The following KLRD1 variants were observed in gnomAD, a reference collection of about 807,000 sequenced individuals.
The protein encoded by KLRD1 is natural killer cells antigen CD94.
KLRD1 carries 21 observed loss-of-function variants against 22.6 expected under a neutral mutation model. That is an observed-to-expected ratio of 0.93 (90% CI 0.66 to 1.34). The LOEUF (loss-of-function observed/expected upper bound fraction) is 1.34, where lower values mean the gene tolerates loss of function less well. KLRD1 is among the 40% of genes most tolerant of loss of function. The probability of loss-of-function intolerance (pLI) is 0.00; values close to 1 mark genes in which losing one functional copy is unlikely to be tolerated. For synonymous variants in KLRD1, 59 were observed against 71.1 expected (o/e 0.83, Z 0.85); for missense variants, 183 against 208.6 (o/e 0.88, Z 0.76).
chr12:10,281,500 A>C (rs1467431398), intron 1 of KLRD1, among the ~76,000 whole-genome samples: 1 of 152,182 alleles, frequency 6.6e-6, no homozygotes, highest in Non-Finnish European at 1.5e-5. Flanking sequence ...GTGAGGAAGA[A>C]TCAAAACCAC....
At chr12:10,294,609 A>G (rs1949806281) in intron 1 of KLRD1, among the ~76,000 whole-genome samples, 1 of 99,258 alleles carries the variant, frequency 1.0e-5, no homozygotes. Context: ...CACATTGGCC[A>G]GGCTAGTCTC....
chr12:10,290,066 C>T (rs984955595), intron 1 of KLRD1, among the ~76,000 whole-genome samples: 1 of 152,106 alleles, frequency 6.6e-6, no homozygotes, highest in South Asian at 2.1e-4. Context: ...CGTGAGCCAC[C>T]CCATCCAGCT....
At chr12:10,281,039 C>T (rs755304004) in intron 1 of KLRD1, among the ~76,000 whole-genome samples, 3 of 151,930 alleles carry the variant, frequency 2.0e-5, no homozygotes, top group South Asian at 2.1e-4. Context: ...CCTTATAGGG[C>T]GAGAGATACT....
intron 1 of KLRD1, among the ~76,000 whole-genome samples, chr12:10,283,508 C>T (rs1949666941): frequency 6.6e-6 from 1 of 152,072 alleles, no homozygotes; most frequent in Non-Finnish European, 1.5e-5. Flanking sequence ...TAGAGTAGAT[C>T]TCATGGTGTA....
rs1423609132 is a variant in KLRD1 at position 10,316,756 on chromosome 12, A to C, written c.*1963A>C. On this transcript the variant is annotated 3_prime_UTR_variant, in exon 6 of 6. Transcript: ENST00000336164. The stretch of plus-strand genomic sequence containing the variant: ...GGTTCCTTGATTCCCATATGCTAGG[A>C]CAAGTAATTATTATTTTATTTTATT... 5 of 152,164 alleles carry C rather than the reference A, an allele frequency of 3.3e-5. No homozygotes were observed. Among genetic ancestry groups the C allele is most frequent in the Admixed American group, 6.6e-5 (1 of 15,262 alleles). 9.4% of individuals were successfully genotyped at this position (152,164 alleles called of 1,614,324 possible).
chr12:10,318,115 A>G lies in KLRD1; in HGVS notation c.*3322A>G, dbSNP rs139462999. ...AGCCATATCAGTTAGTGACATCTGTATTCTCATATTGCATGCATAAGAAAG... is the reference window on the plus strand; with the variant it reads ...AGCCATATCAGTTAGTGACATCTGTGTTCTCATATTGCATGCATAAGAAAG... On this transcript the variant is annotated 3_prime_UTR_variant, in exon 6 of 6. Coordinates refer to ENST00000336164, the MANE Select transcript of KLRD1 (RefSeq NM_002262.5). 7.3e-4 allele frequency: 111 copies of G among 152,330 alleles called. No homozygotes were observed. Among genetic ancestry groups the G allele is most frequent in the African/African-American group, 2.6e-3 (108 of 41,566 alleles). 9.4% of individuals were successfully genotyped at this position (152,330 alleles called of 1,614,324 possible). A position where few individuals can be genotyped will look rare whatever the true frequency, so the allele number is the denominator to read the frequency against.
At chr12:10,306,722 C>G (rs1013572492), upstream of KLRD1, among the ~76,000 whole-genome samples, 1 of 152,114 alleles carries the variant, frequency 6.6e-6, no homozygotes, top group Admixed American at 6.5e-5. Context: ...GTAGATTTTA[C>G]GCTTATATTC....
rs2537769 is a variant in KLRD1, at chr12:10,323,698, A to G, written c.*8905A>G. 0.89 allele frequency: 135,728 copies of G among 151,926 alleles called. 62,689 individuals carry two copies. The highest frequency in any genetic ancestry group is 1 in the East Asian group (5,178 of 5,178). 9.4% of individuals were successfully genotyped at this position (151,926 alleles called of 1,614,324 possible). On this transcript the variant is annotated 3_prime_UTR_variant, in exon 6 of 6. Transcript: ENST00000336164. ...CTCTTGCTCCTCCCCTCACAGATGA[A>G]TATTCTGTTACTATAGATTTGCCTT...
At chr12:10,286,408 A>T (rs988947434) in intron 1 of KLRD1, among the ~76,000 whole-genome samples, 2 of 152,216 alleles carry the variant, frequency 1.3e-5, no homozygotes, top group African/African-American at 2.4e-5. Context: ...TTCTCAGAAC[A>T]TATTTCCAAT....
intron 1 of KLRD1, chr12:10,308,516 C>T (rs906273762): frequency 3.3e-5 from 6 of 180,648 alleles, no homozygotes; most frequent in African/African-American, 1.4e-4. Flanking sequence ...AATGACATCA[C>T]TCTTTGAGAG....
chr12:10,321,909 G>A lies in KLRD1; in HGVS notation c.*7116G>A, dbSNP rs1278478225. 1 of 152,216 alleles carries A rather than the reference G, an allele frequency of 6.6e-6. No homozygotes were observed. The highest frequency in any genetic ancestry group is 1.5e-5 in the Non-Finnish European group (1 of 68,046). The allele number at this position is 152,216 out of a possible 1,614,324, so 9.4% of individuals were successfully genotyped here. On this transcript the variant is annotated 3_prime_UTR_variant, in exon 6 of 6. Coordinates refer to ENST00000336164, the MANE Select transcript of KLRD1 (RefSeq NM_002262.5). ...TCCTGAGCTAGAACCACCTAGCACA[G>A]TTGCTCTTGATTTCTGACCTCAGAA...
At chr12:10,260,144 GTATAACTAAATGCTCATATCATTCCCA>G in intron 1 of KLRD1, among the ~76,000 whole-genome samples, 4 of 151,056 alleles carry the variant, frequency 2.6e-5, no homozygotes, top group Non-Finnish European at 4.4e-5. Flanking sequence ...ATTCCCATCT[GTATAACTAAATGCTCATATCATTCCCA>G]TCTGATGAGA....
chr12:10,242,023 C>T (rs1319480542), intron 1 of KLRD1, among the ~76,000 whole-genome samples: 1 of 142,474 alleles, frequency 7.0e-6, no homozygotes, highest in Non-Finnish European at 1.5e-5. Context: ...GGAGAAACTT[C>T]TCCCATAATT....
rs1183790592 is a variant in KLRD1, at chr12:10,310,575, A to G, written c.163+887A>G. 3.3e-5 allele frequency among the ~76,000 whole-genome samples: 5 copies of G among 152,278 alleles called. No individual in the cohort carries two copies. The East Asian group carries it at 9.7e-4, about 29-fold the overall frequency. On this transcript the variant is annotated intron_variant, in intron 3 of 5. Transcript: ENST00000336164. ...AGCTCTTTGGGAGGCTGAGGTAGGC[A>G]TATTACTTGAGGTCAGAAGTTCAAG...
chr12:10,291,691 G>A (rs1366954574), intron 1 of KLRD1, among the ~76,000 whole-genome samples: 9 of 150,816 alleles, frequency 6.0e-5, no homozygotes, highest in Admixed American at 5.3e-4. Context: ...TTGTTACATA[G>A]GTATACATGT....
intron 1 of KLRD1, among the ~76,000 whole-genome samples, chr12:10,281,622 C>A (rs1019979568): frequency 6.6e-6 from 1 of 151,542 alleles, no homozygotes; most frequent in African/African-American, 2.4e-5. Context: ...AGAGAGGAAT[C>A]ATCTACACTA....
In KLRD1 at chr12:10,316,436, C is replaced by T. The variant is rs1404322743; in HGVS notation, c.*1643C>T. 1 of 151,808 alleles carries T rather than the reference C, an allele frequency of 6.6e-6. No homozygotes were observed. The highest frequency in any genetic ancestry group is 1.5e-5 in the Non-Finnish European group (1 of 67,986). 9.4% of individuals were successfully genotyped at this position (151,808 alleles called of 1,614,324 possible). A position where few individuals can be genotyped will look rare whatever the true frequency, so the allele number is the denominator to read the frequency against. On this transcript the variant is annotated 3_prime_UTR_variant, in exon 6 of 6. Coordinates refer to ENST00000336164, the MANE Select transcript of KLRD1 (RefSeq NM_002262.5). ...TTTTTTTCTGAGACACGGTTTCATT[C>T]CCATTGCCCAGGCTGTAGTGCAATG...
rs989441545 is a variant in KLRD1 at position 10,321,436 on chromosome 12, A to T, written c.*6643A>T. On this transcript the variant is annotated 3_prime_UTR_variant, in exon 6 of 6. Coordinates refer to ENST00000336164, the MANE Select transcript of KLRD1 (RefSeq NM_002262.5). Reference sequence around the variant, plus strand: ...ATTTGGCAGTTGGTGTGGATTTTGTATGTGGGAGGGACATAAATCATTTGG... The same window carrying T: ...ATTTGGCAGTTGGTGTGGATTTTGTTTGTGGGAGGGACATAAATCATTTGG... 2 of 152,180 alleles carry T rather than the reference A, an allele frequency of 1.3e-5. No homozygotes were observed. The highest frequency in any genetic ancestry group is 4.8e-5 in the African/African-American group (2 of 41,422). The allele number at this position is 152,180 out of a possible 1,614,324, so 9.4% of individuals were successfully genotyped here.
chr12:10,311,495 G>A lies in KLRD1; in HGVS notation c.195G>A (p.Trp65Ter), dbSNP rs1950068062. 1 of 1,613,760 alleles carries A rather than the reference G, an allele frequency of 6.2e-7. No individual in the cohort carries two copies. Among genetic ancestry groups the A allele is most frequent in the South Asian group, 1.1e-5 (1 of 91,032 alleles). The change falls in exon 4 of 6, where the codon TGG becomes TGA. Residue 65 changes from tryptophan (W) to a stop codon, truncating the protein, a stop_gained. Transcript: ENST00000336164. LOFTEE classifies it high-confidence loss of function. Reference sequence around the variant, plus strand: ...ACTGCTGTTCTTGCCAAGAAAAATGGGTTGGGTACCGGTGCAACTGTTACT... The same window carrying A: ...ACTGCTGTTCTTGCCAAGAAAAATGAGTTGGGTACCGGTGCAACTGTTACT... ...DSDCCSCQEK[W>*]VGYRCNCYFI...
Sources: gnomAD v4.1 joint callset for allele counts (sites outside exome capture counted in the v4.1 genomes callset) on GRCh38, gnomAD v4.1.1 for gene constraint, MANE v1.5 for transcripts, NCBI Gene and HGNC (gene_info 2026-07-23, HGNC 2026-07-21) for gene names.